INTS10: variants seen among roughly 807,000 people sequenced by gnomAD.
INTS10 encodes the protein integrator complex subunit 10.
In INTS10, 44 loss-of-function variants were observed where a neutral mutation model predicts 94.4. That is an observed-to-expected ratio of 0.47 (90% CI 0.37 to 0.60). INTS10 has a LOEUF of 0.60. INTS10 is among the 20% of genes least tolerant of loss of function. INTS10 has a pLI of 0.00. For missense variants in INTS10, 797 were observed against 868.7 expected, an observed-to-expected ratio of 0.92 and a Z score of 1.04; for synonymous variants, 341 against 320.7, an observed-to-expected ratio of 1.06 and a Z score of -0.68.
At chr8:19,841,402 T>A (rs2068113230) in intron 13 of INTS10, among the ~76,000 whole-genome samples, 1 of 152,166 alleles carries the variant, frequency 6.6e-6, no homozygotes, top group Non-Finnish European at 1.5e-5. Flanking sequence ...GAAAATTGTC[T>A]ATCACACAAA....
chr8:19,827,052 A>T (rs1415941681), intron 9 of INTS10, among the ~76,000 whole-genome samples: 1 of 152,184 alleles, frequency 6.6e-6, no homozygotes, highest in Non-Finnish European at 1.5e-5. Context: ...GAAGGAGGTC[A>T]ACATTTGAAA....
At chr8:19,839,543 T>A (rs1459448225) in intron 13 of INTS10, among the ~76,000 whole-genome samples, 2 of 151,626 alleles carry the variant, frequency 1.3e-5, no homozygotes, top group African/African-American at 2.4e-5. Context: ...TACAAAAAAT[T>A]TAAAAATCAG....
At chr8:19,847,918 T>G (rs560140002) in intron 16 of INTS10, among the ~76,000 whole-genome samples, 1 of 152,274 alleles carries the variant, frequency 6.6e-6, no homozygotes, top group East Asian at 1.9e-4. Context: ...ATACAACCCT[T>G]AATTTCTTCT....
intron 9 of INTS10, among the ~76,000 whole-genome samples, chr8:19,827,396 C>G (rs116449738): frequency 5.3e-5 from 8 of 152,162 alleles, no homozygotes; most frequent in African/African-American, 1.7e-4. Flanking sequence ...TTTTTTAATT[C>G]TCTGCAGCAT....
rs1196422407 is a variant in INTS10 at position 19,823,353 on chromosome 8, C to T, written c.576C>T (p.Ala192=). The T allele has an allele frequency of 3.1e-6, 5 of 1,601,334 alleles. No homozygotes were observed. Among genetic ancestry groups the T allele is most frequent in the Non-Finnish European group, 4.3e-6 (5 of 1,168,476 alleles). The change falls in exon 6 of 17, where the codon GCC becomes GCT. Residue 192 remains alanine (A), a synonymous_variant. Transcript: ENST00000397977. ...ACAACCATGATGTTCGATTACCTGC[C>T]AATTTATTGTATAAGTACTTGAACA... ...IINNHDVRLP[A]NLLYKYLNKA...
chr8:19,844,750 C>A (rs922195962), intron 15 of INTS10, among the ~76,000 whole-genome samples: 1 of 152,186 alleles, frequency 6.6e-6, no homozygotes, highest in Non-Finnish European at 1.5e-5. Flanking sequence ...GTATTTCACA[C>A]TGCTTATTAG....
At chr8:19,830,168 TTTAAC>T (rs1421795797) in intron 9 of INTS10, among the ~76,000 whole-genome samples, 1 of 152,100 alleles carries the variant, frequency 6.6e-6, no homozygotes, top group East Asian at 1.9e-4. Flanking sequence ...AACATAAGAA[TTTAAC>T]ATCAGAAAAA....
Position 19,844,123 on chromosome 8 carries a change from G to C in INTS10, c.1767G>C (p.Val589=), listed in dbSNP as rs1242923659. ...DNRDDMALGH[V]IVLLQQEWPR... ...GAGACGACATGGCATTGGGGCATGT[G>C]ATTGTGTTGCTTCAGCAAGAGTGGC... is the stretch of plus-strand genomic sequence containing the variant. Residue 589 remains valine (V), a synonymous_variant, in exon 15 of 17, where the codon GTG becomes GTC. Transcript: ENST00000397977. 2 of 1,613,912 alleles carry C rather than the reference G, an allele frequency of 1.2e-6. No individual in the cohort carries two copies. The highest frequency in any genetic ancestry group is 2.2e-5 in the East Asian group (1 of 44,888).
intron 13 of INTS10, among the ~76,000 whole-genome samples, chr8:19,839,292 G>A (rs751711358): frequency 3.3e-5 from 5 of 152,154 alleles, no homozygotes; most frequent in African/African-American, 7.2e-5. Context: ...AACAATACAA[G>A]GATGTCTGCC....
Position 19,849,316 on chromosome 8 carries a change from G to A in INTS10, c.1977-2333G>A, listed in dbSNP as rs530824072. On this transcript the variant is annotated intron_variant, in intron 16 of 16. Transcript: ENST00000397977. The surrounding 1 kb of genome is among the most constrained non-coding windows in gnomAD (Gnocchi z 4.6). ...CGCTGCCCATGGTTCTCAGCTCTTCGTTCCTCAGTGCTCTTTTTCATGCTT... is the reference window on the plus strand; with the variant it reads ...CGCTGCCCATGGTTCTCAGCTCTTCATTCCTCAGTGCTCTTTTTCATGCTT... The A allele has an allele frequency of 5.0e-6, 3 of 594,466 alleles. No individual in the cohort carries two copies. The highest frequency in any genetic ancestry group is 2.7e-5 in the Admixed American group (1 of 37,516). The allele number at this position is 594,466 out of a possible 1,614,324, so 36.8% of individuals were successfully genotyped here.
chr8:19,830,636 T>TA (rs1305018039), intron 10 of INTS10, 77 bp downstream of exon 10: 7 of 1,363,352 alleles, frequency 5.1e-6, no homozygotes, highest in Non-Finnish European at 5.1e-6. Flanking sequence ...TCAGGTCACT[T>TA]ACGGCAAATT....
rs1434936243 is a variant in INTS10 at position 19,849,834 on chromosome 8, C to T, written c.1977-1815C>T. On this transcript the variant is annotated intron_variant, in intron 16 of 16. Coordinates refer to ENST00000397977, the MANE Select transcript of INTS10 (RefSeq NM_018142.4). This position sits in a 1 kb window ranked among gnomAD's most constrained non-coding sequence, Gnocchi z 4.6. ...TTACTAATTCTCTTTTTCATCCAAA[C>T]TTACCAAAGTGATAGTGCTTCTAAT... Among the ~76,000 whole-genome samples, 1 of 152,286 alleles carries T rather than the reference C, an allele frequency of 6.6e-6. No individual in the cohort carries two copies. The highest frequency in any genetic ancestry group is 2.1e-4 in the South Asian group (1 of 4,828).
At chr8:19,838,776 A>T (rs1057507331) in intron 13 of INTS10, among the ~76,000 whole-genome samples, 1 of 152,228 alleles carries the variant, frequency 6.6e-6, no homozygotes, top group African/African-American at 2.4e-5. Flanking sequence ...GCGTTTGAAC[A>T]TACAAAAATC....
chr8:19,826,166 G>A (rs533355405), intron 8 of INTS10, among the ~76,000 whole-genome samples: 7 of 152,124 alleles, frequency 4.6e-5, no homozygotes, highest in South Asian at 2.1e-4. Flanking sequence ...TGCAACCTCC[G>A]CCTCCTGGGT....
At chr8:19,828,801 C>A (rs2067004869) in intron 9 of INTS10, among the ~76,000 whole-genome samples, 1 of 151,552 alleles carries the variant, frequency 6.6e-6, no homozygotes, top group Non-Finnish European at 1.5e-5. Flanking sequence ...ATGCAATCCT[C>A]CCACCTTGGC....
At position 19,839,071 on chromosome 8, in the gene INTS10, C is replaced by CA. The variant is rs796941891; in HGVS notation, c.1639+1921dup. Among the ~76,000 whole-genome samples the CA allele has an allele frequency of 5.4e-3, 787 of 144,842 alleles. 4 individuals carry two copies. The highest frequency in any genetic ancestry group is 0.019 in the African/African-American group (730 of 39,424). On this transcript the variant is annotated intron_variant, in intron 13 of 16. Coordinates refer to ENST00000397977, the MANE Select transcript of INTS10 (RefSeq NM_018142.4). ...TGGGCGACAGAGTGAGACTCCGTTT[C>CA]AAAAAAAAAACCAAACAAACAAAAA...
At chr8:19,839,447 C>G (rs1188179728) in intron 13 of INTS10, among the ~76,000 whole-genome samples, 1 of 152,178 alleles carries the variant, frequency 6.6e-6, no homozygotes, top group Non-Finnish European at 1.5e-5. Flanking sequence ...TGCCTGTAAT[C>G]CCCGCACTTT....
Position 19,817,603 on chromosome 8 carries a change from G to C in INTS10, c.66G>C (p.Leu22=), listed in dbSNP as rs776970924. The part of the protein sequence containing the change: ...QRARELVPQD[L]WAAKAWLITA... ...CCCGGGAGTTGGTGCCGCAAGACCT[G>C]TGGGCAGCCAAGGCGTGGCTGATCA... The change falls in exon 1 of 17, where the codon CTG becomes CTC. Residue 22 remains leucine, a synonymous_variant. Transcript: ENST00000397977. The C allele has an allele frequency of 1.9e-6, 3 of 1,608,942 alleles. No homozygotes were observed. In the South Asian group the frequency reaches 3.3e-5, roughly 18 times the overall value.
rs1483425133 is a variant in INTS10, at chr8:19,849,475, A to AATG, written c.1977-2172_1977-2170dup. On this transcript the variant is annotated intron_variant, in intron 16 of 16. Coordinates refer to ENST00000397977, the MANE Select transcript of INTS10 (RefSeq NM_018142.4). The surrounding 1 kb of genome is among the most constrained non-coding windows in gnomAD (Gnocchi z 4.6). ...AAATCATTATGGATCTGGAAAAAACAATGAAAGCTATATAAATCTGTATTC... is the reference window on the plus strand; with the variant it reads ...AAATCATTATGGATCTGGAAAAAACAATGATGAAAGCTATATAAATCTGTATTC... Among the ~76,000 whole-genome samples, 2 of 152,192 alleles carry AATG rather than the reference A, an allele frequency of 1.3e-5. No homozygotes were observed. Among genetic ancestry groups the AATG allele is most frequent in the Non-Finnish European group, 2.9e-5 (2 of 68,042 alleles).
Sources: gnomAD v4.1 joint callset for allele counts (sites outside exome capture counted in the v4.1 genomes callset) on GRCh38, gnomAD v4.1.1 for gene constraint, Gnocchi (gnomAD v3.1) non-coding constraint, MANE v1.5 for transcripts, NCBI Gene and HGNC (gene_info 2026-07-23, HGNC 2026-07-21) for gene names.